Variants in LPA observed in about 807,000 individuals in gnomAD.
The protein encoded by LPA is apolipoprotein(a).
LPA carries 199 observed loss-of-function variants against 197.9 expected under a neutral mutation model. The observed-to-expected ratio is 1.01, with a 90% CI of 0.90 to 1.13. The LOEUF is 1.13. Among genes scored for constraint, LPA ranks in the 50% most tolerant of loss-of-function variants. The pLI, the probability that LPA is intolerant of heterozygous loss-of-function variation, is 0.00. For synonymous variants in LPA, 715 were observed against 639.5 expected (o/e 1.12, Z -1.78); for missense variants, 1,853 against 1,785.8 (o/e 1.04, Z -0.68).
At chr6:160,584,170 TTTCTTCTTCTTC>T (rs56164694) in intron 26 of LPA, among the ~76,000 whole-genome samples, 5,397 of 103,080 alleles carry the variant, frequency 0.052, 173 homozygotes, top group Non-Finnish European at 0.062. Flanking sequence ...TCATTTCTAT[TTTCTTCTTCTTC>T]TTCTTCTTCT....
chr6:160,570,743 C>G (rs1352372504), intron 28 of LPA, among the ~76,000 whole-genome samples: 2 of 152,128 alleles, frequency 1.3e-5, no homozygotes, highest in Admixed American at 1.3e-4. Flanking sequence ...GTGGGTAACC[C>G]AAACTTTCTC....
chr6:160,581,543 C>G (rs567241078), intron 26 of LPA, among the ~76,000 whole-genome samples: 58 of 152,252 alleles, frequency 3.8e-4, no homozygotes, highest in African/African-American at 1.4e-3. Flanking sequence ...CTCAGGCAAT[C>G]CTCTCATCTT....
intron 28 of LPA, among the ~76,000 whole-genome samples, chr6:160,573,352 T>A (rs1443949835): frequency 6.6e-6 from 1 of 152,178 alleles, no homozygotes; most frequent in Non-Finnish European, 1.5e-5. Context: ...TACCTTTTTT[T>A]TTTTGGATTT....
chr6:160,658,891 T>TGAGA (rs4063599), intron 1 of LPA, among the ~76,000 whole-genome samples: 56 of 149,032 alleles, frequency 3.8e-4, no homozygotes, highest in Non-Finnish European at 4.5e-4. Flanking sequence ...TATATATATA[T>TGAGA]GAGAGAGAGA....
rs1472387819 is a variant in LPA, at chr6:160,593,997, G to C, written c.3590C>G (p.Pro1197Arg). The C allele has an allele frequency of 1.2e-6, 2 of 1,613,860 alleles. No homozygotes were observed. Among genetic ancestry groups the C allele is most frequent in the African/African-American group, 2.7e-5 (2 of 74,916 alleles). Residue 1197 changes from proline (P) to arginine (R), a missense_variant, in exon 22 of 39, where the codon CCA becomes CGA. Physicochemically the swap from Pro to Arg is moderately radical, Grantham distance 103. Around this residue, in one of 3 missense-constraint regions of LPA, gnomAD observed 1,737 missense variants for 1,504.4 expected, o/e 1.15. Transcript: ENST00000316300. Reference protein sequence around the residue: ...RTCQSWSSMTPHWHQRTTEYY... With the variant: ...RTCQSWSSMTRHWHQRTTEYY... ...TTCTGTTGTCCTCTGATGCCAGTGT[G>C]GTGTCATAGAGGACCAAGACTGACA...
At chr6:160,604,099 G>A (rs1235818464) in intron 18 of LPA, among the ~76,000 whole-genome samples, 2 of 152,134 alleles carry the variant, frequency 1.3e-5, no homozygotes, top group African/African-American at 4.8e-5. Flanking sequence ...AAGATTCGAG[G>A]AGACTACTAT....
chr6:160,610,116 C>T (rs1410243843), intron 16 of LPA, among the ~76,000 whole-genome samples: 1 of 151,938 alleles, frequency 6.6e-6, no homozygotes, highest in Non-Finnish European at 1.5e-5. Context: ...ATTTCTGAGC[C>T]TGTTTGTATT....
chr6:160,662,174 T>C (rs902678607), intron 1 of LPA, among the ~76,000 whole-genome samples: 1 of 152,196 alleles, frequency 6.6e-6, no homozygotes, highest in African/African-American at 2.4e-5. Flanking sequence ...GGGGATTTAA[T>C]AGGGTTTATT....
chr6:160,586,493 G>A lies in LPA; in HGVS notation c.4085C>T (p.Pro1362Leu), dbSNP rs377407747. Reference sequence around the variant, plus strand: ...TGTGCTTGGAACTGGGACCACCGTGGGAGTTGTGAGGAGAGTTGATTCCAT... The same window carrying A: ...TGTGCTTGGAACTGGGACCACCGTGAGAGTTGTGAGGAGAGTTGATTCCAT... ...PVMESTLLTT[P>L]TVVPVPSTEL... The change falls in exon 25 of 39, where the codon CCC becomes CTC. Residue 1362 changes from proline to leucine, a missense_variant. Around this residue, in one of 3 missense-constraint regions of LPA, gnomAD observed 1,737 missense variants for 1,504.4 expected, o/e 1.15. Transcript: ENST00000316300. 14 of 1,613,740 alleles carry A rather than the reference G, an allele frequency of 8.7e-6. No homozygotes were observed. The African/African-American group carries it at 1.1e-4, about 12-fold the overall frequency.
chr6:160,587,751 T>TTGTGTGTGTGTGTGTG (rs67979615), intron 24 of LPA, among the ~76,000 whole-genome samples: 1 of 125,382 alleles, frequency 8.0e-6, no homozygotes, highest in Non-Finnish European at 1.7e-5. Context: ...GGTTCAGTCT[T>TTGTGTGTGTGTGTGTG]TGTGTGTGTG....
intron 30 of LPA, among the ~76,000 whole-genome samples, chr6:160,553,977 G>T (rs1176822879): frequency 6.6e-6 from 1 of 151,626 alleles, no homozygotes; most frequent in African/African-American, 2.4e-5. Flanking sequence ...GTGTGCGTGT[G>T]TGTGTGTCTT....
chr6:160,538,025 A>G (rs1311855975), intron 36 of LPA, 64 bp from the exon 37 acceptor site: 2 of 1,408,112 alleles, frequency 1.4e-6, no homozygotes, highest in Non-Finnish European at 2.0e-6. Flanking sequence ...ACCTACAACC[A>G]GGCATCCCTG....
At chr6:160,584,234 T>TTCC (rs1491057428) in intron 26 of LPA, among the ~76,000 whole-genome samples, 2 of 64,162 alleles carry the variant, frequency 3.1e-5, no homozygotes, top group African/African-American at 1.0e-4. Context: ...CTTCTTCTTC[T>TTCC]TCTTCCTCCT....
intron 23 of LPA, 150 bp downstream of exon 23, chr6:160,590,794 A>G: frequency 9.2e-7 from 1 of 1,089,550 alleles, no homozygotes; most frequent in Non-Finnish European, 1.3e-6. Context: ...GTTCCCCCAG[A>G]GAAGGCGCTG....
intron 24 of LPA, 121 bp from the exon 25 acceptor site, chr6:160,586,751 G>T: frequency 7.4e-7 from 1 of 1,349,918 alleles, no homozygotes; most frequent in South Asian, 1.2e-5. Flanking sequence ...TCTCACTAAA[G>T]TCCCATAACA....
At position 160,564,829 on chromosome 6, in the gene LPA, C is replaced by T. The variant is rs137903940; in HGVS notation, c.4632-7258G>A. ...GCACTTTTCCAATGGTCTTAGCAAA[C>T]GGCACACCAGGAGATTATATCCTGC... On this transcript the variant is annotated intron_variant, in intron 28 of 38. Transcript: ENST00000316300. 6.9e-3 allele frequency among the ~76,000 whole-genome samples: 1,046 copies of T among 152,310 alleles called. 8 individuals carry two copies. The highest frequency in any genetic ancestry group is 0.023 in the African/African-American group (939 of 41,556).
At chr6:160,559,975 T>C (rs182134350) in intron 28 of LPA, among the ~76,000 whole-genome samples, 44 of 152,314 alleles carry the variant, frequency 2.9e-4, no homozygotes, top group Middle Eastern at 6.8e-3. Flanking sequence ...GTGTGTGATG[T>C]TCCCCTTCCT....
chr6:160,544,915 G>A (rs1778040488), intron 33 of LPA, among the ~76,000 whole-genome samples: 1 of 152,136 alleles, frequency 6.6e-6, no homozygotes, highest in Non-Finnish European at 1.5e-5. Flanking sequence ...TGTCGCTAAT[G>A]GGACTCATGA....
intron 30 of LPA, among the ~76,000 whole-genome samples, chr6:160,549,843 C>G (rs1422126662): frequency 6.6e-6 from 1 of 152,154 alleles, no homozygotes; most frequent in African/African-American, 2.4e-5. Context: ...CAGTGGGACC[C>G]AAGGCATAAA....
Sources: gnomAD v4.1 joint callset for allele counts (sites outside exome capture counted in the v4.1 genomes callset) on GRCh38, gnomAD v4.1.1 for gene constraint, gnomAD v4.1.1 regional missense constraint, MANE v1.5 for transcripts, NCBI Gene and HGNC (gene_info 2026-07-23, HGNC 2026-07-21) for gene names.